DDX25: variants seen among roughly 807,000 people sequenced by gnomAD.
DDX25 encodes DEAD-box helicase 25.
A neutral mutation model predicts 64.6 loss-of-function variants in DDX25; 70 were observed. That is an observed-to-expected ratio of 1.08 (90% CI 0.89 to 1.32). DDX25 has a LOEUF of 1.32. DDX25 is among the 40% of genes most tolerant of loss of function. The pLI is 0.00. For missense variants in DDX25, 587 were observed against 604.4 expected (o/e 0.97, Z 0.30); for synonymous variants, 211 against 213.3 (o/e 0.99, Z 0.09).
chr11:125,917,355 T>C, intron 9 of DDX25, 104 bp downstream of exon 9: 2 of 1,034,308 alleles, frequency 1.9e-6, no homozygotes, highest in Non-Finnish European at 2.8e-6. Flanking sequence ...TCAGCACTTC[T>C]TGTGTGTCTC....
At chr11:125,914,572 C>A (rs1945011647) in intron 8 of DDX25, among the ~76,000 whole-genome samples, 1 of 152,204 alleles carries the variant, frequency 6.6e-6, no homozygotes, top group Admixed American at 6.5e-5. Context: ...GGGGATCCAC[C>A]TGCTCCTTAT....
In DDX25 at chr11:125,908,444, A is replaced by G. The variant is rs1944924716; in HGVS notation, c.448A>G (p.Thr150Ala). 6.2e-7 allele frequency: 1 copy of G among 1,613,896 alleles called. No individual in the cohort carries two copies. The highest frequency in any genetic ancestry group is 8.5e-7 in the Non-Finnish European group (1 of 1,179,906). Residue 150 changes from threonine to alanine, a missense_variant, in exon 6 of 12, where the codon ACA (threonine) becomes GCA (alanine). Physicochemically the swap from Thr to Ala is moderately conservative, Grantham distance 58. Transcript: ENST00000263576. ...IAQSQSGTGK[T>A]AAFVLAMLSR... is the part of the protein sequence containing the mutation. ...ACAGAGCCAGTCTGGAACAGGAAAGACAGCGGCATTTGTGTTGGCAATGTT... is the reference window on the plus strand; with the variant it reads ...ACAGAGCCAGTCTGGAACAGGAAAGGCAGCGGCATTTGTGTTGGCAATGTT...
chr11:125,918,927 A>T, intron 10 of DDX25, 137 bp downstream of exon 10: 1 of 1,082,732 alleles, frequency 9.2e-7, no homozygotes, highest in South Asian at 1.8e-5. Context: ...GAGCATCTCC[A>T]TCTCCCCAGT....
At chr11:125,914,795 G>A (rs1349556559) in intron 8 of DDX25, among the ~76,000 whole-genome samples, 1 of 152,032 alleles carries the variant, frequency 6.6e-6, no homozygotes, top group Non-Finnish European at 1.5e-5. Context: ...GGAGTGCAGT[G>A]GCGCCACCTT....
At position 125,917,240 on chromosome 11, in the gene DDX25, A is replaced by G; in HGVS notation, c.1027A>G (p.Ile343Val). ...YGSITIGQAI[I>V]FCQTRRNAKW... ...CAGCATCACCATTGGTCAGGCCATC[A>G]TCTTCTGCCAGGTACACTCTGTGGA... The change falls in exon 9 of 12, where the codon ATC becomes GTC. Residue 343 changes from isoleucine (I) to valine (V), a missense_variant. Coordinates refer to ENST00000263576, the MANE Select transcript of DDX25 (RefSeq NM_013264.5). 1.2e-6 allele frequency: 2 copies of G among 1,603,496 alleles called. No individual in the cohort carries two copies. The highest frequency in any genetic ancestry group is 1.7e-6 in the Non-Finnish European group (2 of 1,175,312).
rs1945130787 is a variant in DDX25 at position 125,922,801 on chromosome 11, TTC to T, written c.1391-15_1391-14del. ...AGACCCTGACATGAGACTAGTTCTGTTCTCTTTTGTTCTTTTAGACAGCAGTA... is the reference window on the plus strand; with the variant it reads ...AGACCCTGACATGAGACTAGTTCTGTTCTTTTGTTCTTTTAGACAGCAGTA... On this transcript the variant is annotated splice_polypyrimidine_tract_variant and intron_variant, in intron 11 of 11. Coordinates refer to ENST00000263576, the MANE Select transcript of DDX25 (RefSeq NM_013264.5). The T allele has an allele frequency of 6.3e-7, 1 of 1,598,292 alleles. No homozygotes were observed. The highest frequency in any genetic ancestry group is 8.5e-7 in the Non-Finnish European group (1 of 1,171,446).
At chr11:125,904,413 G>A, upstream of DDX25, 1 of 1,140,114 alleles carries the variant, frequency 8.8e-7, no homozygotes. Flanking sequence ...GCGCGGACGC[G>A]GACGCCTGCC....
intron 8 of DDX25, among the ~76,000 whole-genome samples, chr11:125,912,814 G>A (rs146306163): frequency 3.1e-4 from 47 of 151,202 alleles, no homozygotes; most frequent in Non-Finnish European, 5.3e-4. Context: ...TCTATCGTAT[G>A]TGTCATATGT....
rs1945074293 is a variant in DDX25, at chr11:125,918,767, TAAC to T, written c.1182_1184del (p.Thr395del). On this transcript the variant is annotated inframe_deletion, in exon 10 of 12. Coordinates refer to ENST00000263576, the MANE Select transcript of DDX25 (RefSeq NM_013264.5). ...CGGGATGGGAAAGAGAAGGTTCTCA[TAAC>T]AACTAATGTTTGTGCCCGAGGTGTG... is the stretch of plus-strand genomic sequence containing the variant. 2 of 1,594,502 alleles carry T rather than the reference TAAC, an allele frequency of 1.3e-6. No individual in the cohort carries two copies. The highest frequency in any genetic ancestry group is 8.5e-7 in the Non-Finnish European group (1 of 1,170,256).
Position 125,923,524 on chromosome 11 carries a change from A to G in DDX25, c.*643A>G, listed in dbSNP as rs920101930. On this transcript the variant is annotated 3_prime_UTR_variant, in exon 12 of 12. Coordinates refer to ENST00000263576, the MANE Select transcript of DDX25 (RefSeq NM_013264.5). ...GATTTACTCCCTCATCAGTTATTTC[A>G]TAGTCTCTAAAAGTGTGGCTGTATT... 6.6e-6 allele frequency: 1 copy of G among 152,168 alleles called. No individual in the cohort carries two copies. The highest frequency in any genetic ancestry group is 1.5e-5 in the Non-Finnish European group (1 of 68,034). 9.4% of individuals were successfully genotyped at this position (152,168 alleles called of 1,614,324 possible). A position where few individuals can be genotyped will look rare whatever the true frequency, so the allele number is the denominator to read the frequency against.
intron 4 of DDX25, 103 bp downstream of exon 4, chr11:125,906,312 A>C (rs1013151767): frequency 7.0e-6 from 9 of 1,285,858 alleles, no homozygotes; most frequent in Middle Eastern, 2.0e-4. Context: ...TTGTTTTCTG[A>C]TATTCAATAT....
Position 125,921,215 on chromosome 11 carries a change from T to C in DDX25, c.1226T>C (p.Ile409Thr), listed in dbSNP as rs768565736. 7 of 1,611,808 alleles carry C rather than the reference T, an allele frequency of 4.3e-6. No individual in the cohort carries two copies. Among genetic ancestry groups the C allele is most frequent in the Non-Finnish European group, 5.1e-6 (6 of 1,179,312 alleles). ...ARGIDVKQVT[I>T]VVNFDLPVKQ... Reference sequence around the variant, plus strand: ...GGGATTGATGTGAAGCAGGTCACAATTGTTGTGAACTTTGATCTCCCTGTA... The same window carrying C: ...GGGATTGATGTGAAGCAGGTCACAACTGTTGTGAACTTTGATCTCCCTGTA... Residue 409 changes from isoleucine to threonine, a missense_variant, in exon 11 of 12, where the codon ATT becomes ACT. By Grantham distance (89) the Ile-to-Thr change is moderately conservative. Coordinates refer to ENST00000263576, the MANE Select transcript of DDX25 (RefSeq NM_013264.5). The surrounding 1 kb of genome is among the most constrained non-coding windows in gnomAD (Gnocchi z 4.1).
chr11:125,919,186 C>T (rs993869858), intron 10 of DDX25, among the ~76,000 whole-genome samples: 8 of 152,142 alleles, frequency 5.3e-5, no homozygotes, highest in African/African-American at 1.2e-4. Flanking sequence ...TTCGTCTGTC[C>T]ACCAGTTGAT....
chr11:125,903,703 A>G (rs1944832147), upstream of DDX25, among the ~76,000 whole-genome samples: 1 of 147,086 alleles, frequency 6.8e-6, no homozygotes, highest in Non-Finnish European at 1.5e-5. Context: ...TTTTGCCCCC[A>G]ATTCCAGAAA....
intron 6 of DDX25, among the ~76,000 whole-genome samples, chr11:125,909,743 G>A (rs1162878679): frequency 2.0e-5 from 3 of 149,782 alleles, no homozygotes; most frequent in South Asian, 2.2e-4. Flanking sequence ...TTGCCCCCCC[G>A]GGTTCAAGTG....
At chr11:125,905,987 G>C in intron 3 of DDX25, 87 bp from the exon 4 acceptor site, 1 of 1,440,992 alleles carries the variant, frequency 6.9e-7, no homozygotes, top group Non-Finnish European at 9.2e-7. Context: ...GCAATTGCTT[G>C]GTATACAACC....
At chr11:125,905,107 C>G (rs1375030699) in intron 1 of DDX25, 105 bp from the exon 2 acceptor site, 1 of 1,012,710 alleles carries the variant, frequency 9.9e-7, no homozygotes, top group Non-Finnish European at 1.5e-6. Flanking sequence ...GAAGCAATAC[C>G]CGGGTGTCCT....
chr11:125,904,613 CG>C, intron 1 of DDX25, 33 bp downstream of exon 1: 2 of 1,421,172 alleles, frequency 1.4e-6, no homozygotes, highest in African/African-American at 1.5e-5. Context: ...GCCACAGCCG[CG>C]GGGGTGGAGC....
intron 10 of DDX25, among the ~76,000 whole-genome samples, chr11:125,920,361 C>T (rs909465706): frequency 8.6e-5 from 13 of 151,768 alleles, no homozygotes; most frequent in African/African-American, 2.4e-4. Flanking sequence ...CGCTTGAACC[C>T]GGGAGGCAGA....
Sources: gnomAD v4.1 joint callset for allele counts (sites outside exome capture counted in the v4.1 genomes callset) on GRCh38, gnomAD v4.1.1 for gene constraint, Gnocchi (gnomAD v3.1) non-coding constraint, MANE v1.5 for transcripts, NCBI Gene and HGNC (gene_info 2026-07-23, HGNC 2026-07-21) for gene names.